Variants in TBC1D22A observed in about 807,000 individuals in gnomAD.
TBC1D22A encodes the protein TBC1 domain family member 22A, also known as putative GTPase activator.
TBC1D22A carries 38 observed loss-of-function variants against 60.2 expected under a neutral mutation model. The observed-to-expected ratio is 0.63, with a 90% CI of 0.49 to 0.83. The LOEUF is 0.83. Ranked by LOEUF, TBC1D22A falls within the 40% of genes least tolerant of loss-of-function variation. The pLI is 0.00. For synonymous variants in TBC1D22A, 302 were observed against 281.7 expected, an observed-to-expected ratio of 1.07 and a Z score of -0.72; for missense variants, 628 against 701.0, an observed-to-expected ratio of 0.90 and a Z score of 1.18.
rs547149267 is a variant in TBC1D22A, at chr22:46,766,091, G to A, written c.62+3243G>A. On this transcript the variant is annotated intron_variant, in intron 1 of 12. Coordinates refer to ENST00000337137, the MANE Select transcript of TBC1D22A (RefSeq NM_014346.5). Reference sequence around the variant, plus strand: ...CGGCTCACTGCAAGCTCCGCCTCCCGGGTTCACGCCATTTTCCTGCCTCAG... The same window carrying A: ...CGGCTCACTGCAAGCTCCGCCTCCCAGGTTCACGCCATTTTCCTGCCTCAG... Among the ~76,000 whole-genome samples, 7 of 151,610 alleles carry A rather than the reference G, an allele frequency of 4.6e-5. No individual in the cohort carries two copies. In the South Asian group the frequency reaches 6.3e-4, roughly 14 times the overall value.
intron 10 of TBC1D22A, among the ~76,000 whole-genome samples, chr22:47,035,247 C>G (rs1475827059): frequency 6.6e-6 from 1 of 152,214 alleles, no homozygotes; most frequent in Non-Finnish European, 1.5e-5. Context: ...CCTGCTTGTA[C>G]CTGCTCTCTC....
chr22:46,797,345 G>C, intron 3 of TBC1D22A, 99 bp from the exon 4 acceptor site: 9 of 1,333,596 alleles, frequency 6.7e-6, no homozygotes, highest in Non-Finnish European at 9.5e-6. Context: ...GGGAAGAAGG[G>C]ACCCATCAGC....
intron 8 of TBC1D22A, among the ~76,000 whole-genome samples, chr22:46,920,397 C>T (rs1158026358): frequency 1.3e-5 from 2 of 151,924 alleles, no homozygotes; most frequent in Non-Finnish European, 2.9e-5. Context: ...GGTATTCTCC[C>T]ATTCTAATAA....
At chr22:47,006,026 CT>C (rs1326651322) in intron 10 of TBC1D22A, among the ~76,000 whole-genome samples, 4 of 151,958 alleles carry the variant, frequency 2.6e-5, no homozygotes, top group Admixed American at 1.3e-4. Flanking sequence ...AAACACACCC[CT>C]ATACACATGC....
At position 47,093,466 on chromosome 22, in the gene TBC1D22A, G is replaced by T. The variant is rs540420774; in HGVS notation, c.1330-18042G>T. Among the ~76,000 whole-genome samples, 42 of 152,276 alleles carry T rather than the reference G, an allele frequency of 2.8e-4. 1 individual carries two copies. The South Asian group carries it at 8.3e-3, about 30-fold the overall frequency. ...GCAAAGGATGAGAGAGAGCAGGTTG[G>T]GGGAGGGGGCTGCCTTGTTCACTCT... On this transcript the variant is annotated intron_variant, in intron 11 of 12. Coordinates refer to ENST00000337137, the MANE Select transcript of TBC1D22A (RefSeq NM_014346.5).
intron 11 of TBC1D22A, among the ~76,000 whole-genome samples, chr22:47,051,157 G>A (rs1265125499): frequency 1.3e-5 from 2 of 152,128 alleles, no homozygotes; most frequent in Admixed American, 6.5e-5. Flanking sequence ...TTGTAGCAAA[G>A]GAGCTGAGGG....
At chr22:47,090,203 G>A (rs950954168) in intron 11 of TBC1D22A, among the ~76,000 whole-genome samples, 23 of 152,162 alleles carry the variant, frequency 1.5e-4, no homozygotes, top group African/African-American at 5.3e-4. Context: ...TGAAGATTCC[G>A]GGGCTTGCCA....
At chr22:46,904,142 T>TCTATCTACCTAC (rs57116517) in intron 7 of TBC1D22A, among the ~76,000 whole-genome samples, 34 of 134,572 alleles carry the variant, frequency 2.5e-4, no homozygotes, top group African/African-American at 3.8e-4. Context: ...TATCTATCTA[T>TCTATCTACCTAC]CTACCTACCT....
chr22:46,767,427 A>C (rs989731234), intron 1 of TBC1D22A, among the ~76,000 whole-genome samples: 2 of 152,064 alleles, frequency 1.3e-5, no homozygotes, highest in African/African-American at 4.8e-5. Context: ...CAGTTTTGAG[A>C]ATTTGATGAT....
chr22:46,820,158 A>AT (rs199831362), intron 4 of TBC1D22A, among the ~76,000 whole-genome samples: 2,139 of 151,058 alleles, frequency 0.014, 51 homozygotes, highest in African/African-American at 0.049. Context: ...CTAGCCATCT[A>AT]TTTGTTCATT....
rs372445820 is a variant in TBC1D22A, at chr22:47,092,670, C to G, written c.1330-18838C>G. Reference sequence around the variant, plus strand: ...GCAGGGCTGGGGACAGAACGTGGGTCGCTCACTGAGAGCTGCCCCACACTT... The same window carrying G: ...GCAGGGCTGGGGACAGAACGTGGGTGGCTCACTGAGAGCTGCCCCACACTT... On this transcript the variant is annotated intron_variant, in intron 11 of 12. Transcript: ENST00000337137. Among the ~76,000 whole-genome samples, 11 of 152,296 alleles carry G rather than the reference C, an allele frequency of 7.2e-5. No homozygotes were observed. The East Asian group carries it at 1.5e-3, about 21-fold the overall frequency.
intron 4 of TBC1D22A, among the ~76,000 whole-genome samples, chr22:46,828,233 C>G (rs1281062386): frequency 6.6e-6 from 1 of 152,142 alleles, no homozygotes; most frequent in African/African-American, 2.4e-5. Context: ...TGATTTCTCA[C>G]CCACGGATTA....
At chr22:47,094,443 A>T (rs1416755224) in intron 11 of TBC1D22A, among the ~76,000 whole-genome samples, 3 of 152,158 alleles carry the variant, frequency 2.0e-5, no homozygotes, top group Non-Finnish European at 2.9e-5. Flanking sequence ...GCAAGAAGGA[A>T]TGCTGCCTGC....
intron 8 of TBC1D22A, among the ~76,000 whole-genome samples, chr22:46,924,293 A>G (rs1243838833): frequency 2.0e-5 from 3 of 152,172 alleles, no homozygotes; most frequent in Non-Finnish European, 4.4e-5. Flanking sequence ...CAGGCGAGCA[A>G]TAGGACCACA....
At chr22:46,855,640 T>C (rs78909106) in intron 4 of TBC1D22A, among the ~76,000 whole-genome samples, 3,606 of 151,902 alleles carry the variant, frequency 0.024, 159 homozygotes, top group African/African-American at 0.083. Context: ...AAATCCAGGA[T>C]TGATGGGGTT....
intron 12 of TBC1D22A, 120 bp from the exon 13 acceptor site, chr22:47,173,378 C>A: frequency 7.3e-7 from 1 of 1,374,540 alleles, no homozygotes; most frequent in Non-Finnish European, 1.0e-6. Flanking sequence ...GATCACCCGC[C>A]CTGCACCGTG....
At chr22:47,069,336 G>A (rs988945870) in intron 11 of TBC1D22A, among the ~76,000 whole-genome samples, 9 of 152,214 alleles carry the variant, frequency 5.9e-5, no homozygotes, top group African/African-American at 2.2e-4. Context: ...TTTAGTGTGA[G>A]TGGTGCAGAT....
intron 12 of TBC1D22A, chr22:47,117,208 G>A (rs1601566113): frequency 6.3e-6 from 1 of 159,120 alleles, no homozygotes; most frequent in Non-Finnish European, 1.4e-5. Flanking sequence ...GAAAAGACGA[G>A]CAGGGACGGG....
At chr22:47,173,443 C>T in intron 12 of TBC1D22A, 55 bp from the exon 13 acceptor site, 1 of 1,599,902 alleles carries the variant, frequency 6.3e-7, no homozygotes, top group Non-Finnish European at 8.5e-7. Flanking sequence ...CTGGGGTCAC[C>T]CGCCCTCCAC....
Sources: gnomAD v4.1 joint callset for allele counts (sites outside exome capture counted in the v4.1 genomes callset) on GRCh38, gnomAD v4.1.1 for gene constraint, MANE v1.5 for transcripts, NCBI Gene and HGNC (gene_info 2026-07-23, HGNC 2026-07-21) for gene names.